Variants in NCK2 observed in about 807,000 individuals in gnomAD.
NCK2 encodes NCK adaptor protein 2.
In NCK2, 16 loss-of-function variants were observed where a neutral mutation model predicts 33.9. The observed-to-expected ratio is 0.47, with a 90% CI of 0.32 to 0.72. NCK2 has a LOEUF of 0.72. NCK2 is among the 30% of genes least tolerant of loss of function. The pLI is 0.03. For synonymous variants in NCK2, 273 were observed against 239.9 expected (o/e 1.14, Z -1.27); for missense variants, 418 against 537.3 (o/e 0.78, Z 2.19).
At chr2:105,887,992 T>A (rs1678786888) in intron 4 of NCK2, among the ~76,000 whole-genome samples, 1 of 152,208 alleles carries the variant, frequency 6.6e-6, no homozygotes, top group Non-Finnish European at 1.5e-5. Context: ...TTAGAAATTT[T>A]TAAGTCTGCA....
chr2:105,849,531 C>T (rs1280661672), intron 2 of NCK2, among the ~76,000 whole-genome samples: 2 of 152,138 alleles, frequency 1.3e-5, no homozygotes, highest in Non-Finnish European at 2.9e-5. Flanking sequence ...CCCATTAAAC[C>T]AGGTGGCTGA....
At chr2:105,766,268 A>G (rs1689944772) in intron 1 of NCK2, among the ~76,000 whole-genome samples, 1 of 152,126 alleles carries the variant, frequency 6.6e-6, no homozygotes, top group African/African-American at 2.4e-5. Context: ...AGGGCCTGGA[A>G]GGTGGGGAGA....
intron 2 of NCK2, among the ~76,000 whole-genome samples, chr2:105,817,585 G>GA (rs1190344698): frequency 1.3e-5 from 2 of 151,552 alleles, no homozygotes; most frequent in Non-Finnish European, 2.9e-5. Flanking sequence ...AAATTTACAA[G>GA]AAAAAAAACA....
intron 2 of NCK2, among the ~76,000 whole-genome samples, chr2:105,839,933 G>C (rs997209528): frequency 3.5e-4 from 54 of 152,192 alleles, no homozygotes; most frequent in Non-Finnish European, 6.9e-4. Flanking sequence ...CTGGTGGACG[G>C]TGTGTTTCCC....
intron 3 of NCK2, among the ~76,000 whole-genome samples, chr2:105,878,304 C>T (rs920031938): frequency 6.6e-6 from 1 of 152,248 alleles, no homozygotes; most frequent in African/African-American, 2.4e-5. Context: ...TACGAAGTCC[C>T]AATCCCCAGG....
intron 1 of NCK2, among the ~76,000 whole-genome samples, chr2:105,752,556 G>A (rs1325887028): frequency 6.6e-6 from 1 of 152,136 alleles, no homozygotes; most frequent in Non-Finnish European, 1.5e-5. Flanking sequence ...AAACAACATT[G>A]TATACAGTGA....
intron 4 of NCK2, among the ~76,000 whole-genome samples, chr2:105,892,388 T>A (rs1679023676): frequency 6.6e-6 from 1 of 152,238 alleles, no homozygotes; most frequent in African/African-American, 2.4e-5. Context: ...TGAAGTGCTG[T>A]ATATTCCATA....
chr2:105,843,523 T>C (rs1676727564), intron 2 of NCK2, among the ~76,000 whole-genome samples: 1 of 151,702 alleles, frequency 6.6e-6, no homozygotes, highest in African/African-American at 2.4e-5. Context: ...GGGTAGAAAA[T>C]ATGCAAGAAA....
At chr2:105,761,665 CCCAGGAGTTCAAGA>C (rs1166332802) in intron 1 of NCK2, among the ~76,000 whole-genome samples, 1 of 152,116 alleles carries the variant, frequency 6.6e-6, no homozygotes, top group Non-Finnish European at 1.5e-5. Context: ...ATTGCTTGAG[CCCAGGAGTTCAAGA>C]CCAGCCTGGG....
chr2:105,793,153 A>G (rs142061682), intron 1 of NCK2, among the ~76,000 whole-genome samples: 1 of 152,338 alleles, frequency 6.6e-6, no homozygotes, highest in East Asian at 1.9e-4. Context: ...GTGGGAAGCC[A>G]CAGATGTAGG....
chr2:105,840,188 T>A (rs180941067), intron 2 of NCK2, among the ~76,000 whole-genome samples: 1 of 152,124 alleles, frequency 6.6e-6, no homozygotes, highest in East Asian at 1.9e-4. Flanking sequence ...TGTCTTATGC[T>A]AAATGAGATG....
intron 1 of NCK2, among the ~76,000 whole-genome samples, chr2:105,746,922 C>T (rs575328039): frequency 6.6e-6 from 1 of 152,160 alleles, no homozygotes; most frequent in Non-Finnish European, 1.5e-5. Flanking sequence ...CCGGAGGCCT[C>T]GCCTGGATTC....
intron 1 of NCK2, among the ~76,000 whole-genome samples, chr2:105,788,399 C>G (rs1690756706): frequency 6.6e-6 from 1 of 152,074 alleles, no homozygotes; most frequent in Non-Finnish European, 1.5e-5. Context: ...AGTCTTTTTT[C>G]CATGCTTAGG....
At chr2:105,856,189 G>A (rs1677263366) in intron 3 of NCK2, among the ~76,000 whole-genome samples, 1 of 152,162 alleles carries the variant, frequency 6.6e-6, no homozygotes, top group Admixed American at 6.5e-5. Flanking sequence ...GTGCCCTCCT[G>A]GAGTTACACA....
At chr2:105,880,707 G>A (rs879928978) in intron 3 of NCK2, among the ~76,000 whole-genome samples, 12 of 152,190 alleles carry the variant, frequency 7.9e-5, no homozygotes, top group Admixed American at 5.2e-4. Flanking sequence ...GAGGCGCAGG[G>A]ATGCTCTAAA....
chr2:105,811,300 G>A (rs1052827930), intron 1 of NCK2, among the ~76,000 whole-genome samples: 2 of 152,212 alleles, frequency 1.3e-5, no homozygotes, highest in African/African-American at 4.8e-5. Context: ...GTTGAGTGGG[G>A]TGGTGGATGA....
intron 1 of NCK2, among the ~76,000 whole-genome samples, chr2:105,771,144 G>T (rs917690206): frequency 6.6e-6 from 1 of 151,932 alleles, no homozygotes; most frequent in African/African-American, 2.4e-5. Context: ...GGATGCTCTC[G>T]ATCTCCTGAC....
intron 1 of NCK2, among the ~76,000 whole-genome samples, chr2:105,767,689 G>A (rs1184088548): frequency 6.6e-6 from 1 of 152,212 alleles, no homozygotes; most frequent in Admixed American, 6.5e-5. Flanking sequence ...AGCCCCTAGT[G>A]TGCAGCAAGG....
intron 1 of NCK2, among the ~76,000 whole-genome samples, chr2:105,784,348 G>A (rs1329046452): frequency 6.6e-6 from 1 of 152,186 alleles, no homozygotes; most frequent in Non-Finnish European, 1.5e-5. Context: ...CCTGCTGATC[G>A]GACTCCTTGT....
Sources: allele counts gnomAD v4.1 joint callset (sites outside exome capture counted in the v4.1 genomes callset), GRCh38; gene constraint gnomAD v4.1.1; transcripts MANE v1.5; gene names NCBI Gene and HGNC (gene_info 2026-07-23, HGNC 2026-07-21).